The following B3GALT1 variants were observed in gnomAD, a reference collection of about 807,000 sequenced individuals.
B3GALT1 encodes the protein UDP-Gal:betaGlcNAc beta 1,3-galactosyltransferase, polypeptide 1.
B3GALT1 carries 10 observed loss-of-function variants against 23.2 expected under a neutral mutation model. The ratio of observed to expected loss-of-function variants is 0.43; its 90% confidence interval spans 0.27 to 0.73. B3GALT1 has a LOEUF of 0.73. Ranked by LOEUF, B3GALT1 falls within the 30% of genes least tolerant of loss-of-function variation. B3GALT1 has a pLI of 0.21. For synonymous variants in B3GALT1, 156 were observed against 141.5 expected (o/e 1.10, Z -0.73); for missense variants, 299 against 405.4 (o/e 0.74, Z 2.25).
chr2:167,474,452 G>T (rs866895880), intron 1 of B3GALT1, among the ~76,000 whole-genome samples: 2 of 152,238 alleles, frequency 1.3e-5, no homozygotes, highest in African/African-American at 4.8e-5. Flanking sequence ...TGTGAAACGG[G>T]TTGTATTGTC....
At chr2:167,703,068 C>T (rs75522450) in intron 3 of B3GALT1, among the ~76,000 whole-genome samples, 1 of 152,300 alleles carries the variant, frequency 6.6e-6, no homozygotes, top group African/African-American at 2.4e-5. Context: ...CCCCTTAGGG[C>T]ATCAGGGGGA....
At chr2:167,830,267 G>A (rs1016399943) in intron 4 of B3GALT1, among the ~76,000 whole-genome samples, 1 of 152,054 alleles carries the variant, frequency 6.6e-6, no homozygotes, top group African/African-American at 2.4e-5. Context: ...TCACAGACCT[G>A]GGAGCAGGGG....
intron 3 of B3GALT1, among the ~76,000 whole-genome samples, chr2:167,788,833 G>A (rs112377791): frequency 2.0e-5 from 3 of 152,298 alleles, no homozygotes; most frequent in African/African-American, 7.2e-5. Flanking sequence ...GACCAAGGGA[G>A]AGGAAGGGAG....
At position 167,869,731 on chromosome 2, in the gene B3GALT1, A is replaced by T. The variant is rs1230577737; in HGVS notation, c.692A>T (p.Asn231Ile). Residue 231 changes from asparagine to isoleucine, a missense_variant, in exon 5 of 5, where the codon AAC becomes ATC. Asn to Ile is a moderately radical substitution (Grantham distance 149). Transcript: ENST00000392690. The surrounding 1 kb of genome is among the most constrained non-coding windows in gnomAD (Gnocchi z 6.4). ...CCCAGGGATTTGTACCCAGACAGTAACTACCCACCTTTCTGTTCGGGGACT... is the reference window on the plus strand; with the variant it reads ...CCCAGGGATTTGTACCCAGACAGTATCTACCCACCTTTCTGTTCGGGGACT... Reference protein sequence around the residue: ...YMPRDLYPDSNYPPFCSGTGY... With the variant: ...YMPRDLYPDSIYPPFCSGTGY... 1 of 1,614,168 alleles carries T rather than the reference A, an allele frequency of 6.2e-7. No homozygotes were observed. The highest frequency in any genetic ancestry group is 1.1e-5 in the South Asian group (1 of 91,074).
chr2:167,689,745 G>C (rs1158200319), intron 3 of B3GALT1, among the ~76,000 whole-genome samples: 2 of 152,120 alleles, frequency 1.3e-5, no homozygotes, highest in Admixed American at 1.3e-4. Flanking sequence ...CCCAGACCAG[G>C]ATGTCTACAG....
intron 1 of B3GALT1, among the ~76,000 whole-genome samples, chr2:167,415,679 T>G (rs1698458305): frequency 6.6e-6 from 1 of 152,160 alleles, no homozygotes; most frequent in Non-Finnish European, 1.5e-5. Context: ...TAACTAGTTG[T>G]GACCAGAATA....
chr2:167,629,256 G>C (rs531412615), intron 2 of B3GALT1, among the ~76,000 whole-genome samples: 10 of 151,714 alleles, frequency 6.6e-5, no homozygotes, highest in African/African-American at 2.4e-4. Flanking sequence ...AGGAGCTTTG[G>C]TGTAAAAGTC....
intron 1 of B3GALT1, among the ~76,000 whole-genome samples, chr2:167,465,428 C>A (rs1473909134): frequency 6.6e-6 from 1 of 152,100 alleles, no homozygotes; most frequent in Non-Finnish European, 1.5e-5. Flanking sequence ...AATGCTAGAT[C>A]AAGTCTCCAG....
intron 3 of B3GALT1, among the ~76,000 whole-genome samples, chr2:167,695,907 A>G (rs1408856104): frequency 1.3e-5 from 2 of 152,102 alleles, no homozygotes; most frequent in Non-Finnish European, 2.9e-5. Context: ...GAGGGAAAGG[A>G]GGCAGGGGAA....
At chr2:167,663,156 G>C (rs1686100597) in intron 3 of B3GALT1, among the ~76,000 whole-genome samples, 1 of 127,296 alleles carries the variant, frequency 7.9e-6, no homozygotes, top group Non-Finnish European at 1.5e-5. Context: ...TCCCCTTCCT[G>C]TGTCCATGTG....
At chr2:167,849,616 G>A (rs536969214) in intron 4 of B3GALT1, among the ~76,000 whole-genome samples, 34 of 152,044 alleles carry the variant, frequency 2.2e-4, no homozygotes, top group East Asian at 3.9e-4. Flanking sequence ...GGCCGGGCGC[G>A]GTGGCTCAAG....
chr2:167,342,248 A>G (rs1697158887), intron 1 of B3GALT1, among the ~76,000 whole-genome samples: 1 of 152,194 alleles, frequency 6.6e-6, no homozygotes. Context: ...AGAAAAGTCA[A>G]AAGATCTTGG....
intron 1 of B3GALT1, among the ~76,000 whole-genome samples, chr2:167,404,773 C>T (rs1324972119): frequency 6.6e-6 from 1 of 152,154 alleles, no homozygotes; most frequent in African/African-American, 2.4e-5. Flanking sequence ...AAATAAAGCA[C>T]ATCCTGGCAT....
intron 3 of B3GALT1, among the ~76,000 whole-genome samples, chr2:167,737,240 A>T (rs1256886014): frequency 1.3e-5 from 2 of 152,178 alleles, no homozygotes; most frequent in African/African-American, 4.8e-5. Context: ...TGAAGTGGGT[A>T]CTTTTTAATC....
intron 2 of B3GALT1, among the ~76,000 whole-genome samples, chr2:167,583,407 A>G (rs1684523585): frequency 6.6e-6 from 1 of 152,130 alleles, no homozygotes; most frequent in Admixed American, 6.5e-5. Context: ...AATTTAAGAA[A>G]TTCATTTTTT....
chr2:167,488,567 C>T (rs758637175), intron 1 of B3GALT1, among the ~76,000 whole-genome samples: 19 of 152,262 alleles, frequency 1.2e-4, no homozygotes, highest in Non-Finnish European at 2.5e-4. Flanking sequence ...TGAGAAGCCT[C>T]GGTCCTATTG....
intron 3 of B3GALT1, among the ~76,000 whole-genome samples, chr2:167,650,684 G>A (rs1457117821): frequency 6.6e-6 from 1 of 151,934 alleles, no homozygotes; most frequent in Non-Finnish European, 1.5e-5. Flanking sequence ...TTTGATTATT[G>A]ACTCAATCTC....
chr2:167,678,947 CTTCTAT>C (rs768728781), intron 3 of B3GALT1, among the ~76,000 whole-genome samples: 5 of 151,944 alleles, frequency 3.3e-5, no homozygotes, highest in Admixed American at 3.3e-4. Context: ...AATGTATGCA[CTTCTAT>C]TTCTATTTCT....
intron 3 of B3GALT1, among the ~76,000 whole-genome samples, chr2:167,757,492 A>G (rs1360890672): frequency 1.3e-5 from 2 of 152,140 alleles, no homozygotes; most frequent in Non-Finnish European, 2.9e-5. Flanking sequence ...TGTAATACCC[A>G]TGTAACAAGT....
Sources: gnomAD v4.1 joint callset for allele counts (sites outside exome capture counted in the v4.1 genomes callset) on GRCh38, gnomAD v4.1.1 for gene constraint, Gnocchi (gnomAD v3.1) non-coding constraint, MANE v1.5 for transcripts, NCBI Gene and HGNC (gene_info 2026-07-23, HGNC 2026-07-21) for gene names.